DNAJC3: variants seen among roughly 807,000 people sequenced by gnomAD.
DNAJC3 encodes the protein DnaJ heat shock protein family (Hsp40) member C3.
A neutral mutation model predicts 68.6 loss-of-function variants in DNAJC3; 38 were observed. The ratio of observed to expected loss-of-function variants is 0.55; its 90% CI spans 0.43 to 0.73. DNAJC3 has a LOEUF of 0.73. Ranked by LOEUF, DNAJC3 falls within the 30% of genes least tolerant of loss-of-function variation. The probability of loss-of-function intolerance (pLI) is 0.00; values close to 1 mark genes in which losing one functional copy is unlikely to be tolerated. For missense variants in DNAJC3, 526 were observed against 591.9 expected, an observed-to-expected ratio of 0.89 and a Z score of 1.16; for synonymous variants, 203 against 204.0, an observed-to-expected ratio of 1.00 and a Z score of 0.04.
intron 1 of DNAJC3, among the ~76,000 whole-genome samples, chr13:95,681,689 G>A (rs1464874325): frequency 1.3e-5 from 2 of 152,128 alleles, no homozygotes; most frequent in African/African-American, 4.8e-5. Context: ...AATCTCAGTC[G>A]CAAATGCACA....
At chr13:95,688,491 T>A (rs1339578114) in intron 1 of DNAJC3, among the ~76,000 whole-genome samples, 1 of 151,756 alleles carries the variant, frequency 6.6e-6, no homozygotes, top group East Asian at 1.9e-4. Flanking sequence ...TACAGGGGTG[T>A]TGGATTTCAT....
At chr13:95,770,874 CGTA>C (rs1253410735) in intron 9 of DNAJC3, among the ~76,000 whole-genome samples, 2 of 152,068 alleles carry the variant, frequency 1.3e-5, no homozygotes, top group Non-Finnish European at 2.9e-5. Flanking sequence ...ATGCATAAAA[CGTA>C]GTAGTAGGAA....
intron 2 of DNAJC3, among the ~76,000 whole-genome samples, chr13:95,710,279 C>T: frequency 6.6e-6 from 1 of 151,010 alleles, no homozygotes; most frequent in Non-Finnish European, 1.5e-5. Context: ...TGCTCTGTCA[C>T]CCAGGCTGGA....
At chr13:95,694,407 A>T (rs1366234210) in intron 1 of DNAJC3, 1 of 152,646 alleles carries the variant, frequency 6.6e-6, no homozygotes, top group Admixed American at 6.6e-5. Flanking sequence ...TAATAACCCT[A>T]AACCTCCATA....
At chr13:95,677,399 C>A (rs1412649160) in intron 1 of DNAJC3, 62 bp downstream of exon 1, 9 of 1,490,384 alleles carry the variant, frequency 6.0e-6, no homozygotes, top group Admixed American at 2.1e-5. Flanking sequence ...CGCGCTTTCC[C>A]GTCTGCGCCC....
In DNAJC3 at chr13:95,787,044, A is replaced by G; in HGVS notation, c.1246A>G (p.Lys416Glu). 1.2e-6 allele frequency: 2 copies of G among 1,612,046 alleles called. No individual in the cohort carries two copies. Among genetic ancestry groups the G allele is most frequent in the Non-Finnish European group, 1.7e-6 (2 of 1,179,526 alleles). ...KKQEIIKAYR[K>E]LALQWHPDNF... is the part of the protein sequence containing the mutation. ...GCAAGAAATTATTAAAGCATACCGAAAATTAGCACTGCAGTGGCACCCAGA... is the reference window on the plus strand; with the variant it reads ...GCAAGAAATTATTAAAGCATACCGAGAATTAGCACTGCAGTGGCACCCAGA... Residue 416 changes from lysine to glutamate, a missense_variant, in exon 11 of 12, where the codon AAA (lysine) becomes GAA (glutamate). Transcript: ENST00000602402.
At chr13:95,687,631 A>G (rs1021780021) in intron 1 of DNAJC3, among the ~76,000 whole-genome samples, 4 of 152,140 alleles carry the variant, frequency 2.6e-5, no homozygotes, top group African/African-American at 9.7e-5. Flanking sequence ...ACACTACCTA[A>G]AGCAATCCAC....
At chr13:95,753,997 A>G (rs907461223) in intron 4 of DNAJC3, among the ~76,000 whole-genome samples, 13 of 152,190 alleles carry the variant, frequency 8.5e-5, no homozygotes, top group African/African-American at 3.1e-4. Context: ...AAACTTCCAC[A>G]CTGTGTTACT....
chr13:95,720,816 T>G (rs1245009664), intron 2 of DNAJC3, among the ~76,000 whole-genome samples: 3 of 144,792 alleles, frequency 2.1e-5, no homozygotes, highest in Admixed American at 6.7e-5. Context: ...AAAAAGAAGG[T>G]TTTTTTTTGT....
At chr13:95,732,123 T>C (rs555887044) in intron 4 of DNAJC3, among the ~76,000 whole-genome samples, 9 of 152,276 alleles carry the variant, frequency 5.9e-5, no homozygotes, top group Admixed American at 2.0e-4. Flanking sequence ...ATCAAAGACA[T>C]TGGCCTGTAG....
At chr13:95,759,982 CAACAATGA>C in intron 5 of DNAJC3, 50 bp from the exon 6 acceptor site, 1 of 1,454,190 alleles carries the variant, frequency 6.9e-7, no homozygotes, top group Non-Finnish European at 9.2e-7. Flanking sequence ...ACGTGGAATG[CAACAATGA>C]ATGTGCATAA....
intron 4 of DNAJC3, chr13:95,745,191 T>C (rs1286488963): frequency 6.6e-6 from 1 of 152,222 alleles, no homozygotes; most frequent in East Asian, 1.9e-4. Context: ...ATAAAAATTG[T>C]AAATGTTGAT....
intron 9 of DNAJC3, among the ~76,000 whole-genome samples, chr13:95,765,366 C>T (rs955761203): frequency 6.8e-5 from 10 of 146,540 alleles, no homozygotes; most frequent in Admixed American, 2.1e-4. Flanking sequence ...GCTCTCACTG[C>T]GAAATTAGAG....
chr13:95,748,467 A>G (rs1241371486), intron 4 of DNAJC3, among the ~76,000 whole-genome samples: 1 of 152,164 alleles, frequency 6.6e-6, no homozygotes, highest in African/African-American at 2.4e-5. Context: ...TCCATCTTTA[A>G]TTCTTTAATG....
At chr13:95,763,417 C>T (rs1036041881) in intron 7 of DNAJC3, among the ~76,000 whole-genome samples, 2 of 152,156 alleles carry the variant, frequency 1.3e-5, no homozygotes, top group Non-Finnish European at 2.9e-5. Context: ...ATGCTTTGTT[C>T]TGTCCATCTG....
intron 4 of DNAJC3, among the ~76,000 whole-genome samples, chr13:95,756,677 A>C (rs1882674428): frequency 6.6e-6 from 1 of 152,204 alleles, no homozygotes; most frequent in Non-Finnish European, 1.5e-5. Flanking sequence ...TACCTAACCC[A>C]AAATTGGAAC....
At position 95,760,196 on chromosome 13, in the gene DNAJC3, C is replaced by T. The variant is rs1318563244; in HGVS notation, c.703C>T (p.Leu235=). 6.3e-7 allele frequency: 1 copy of T among 1,599,480 alleles called. No homozygotes were observed. Among genetic ancestry groups the T allele is most frequent in the Non-Finnish European group, 8.5e-7 (1 of 1,172,888 alleles). Residue 235 remains leucine (L), a synonymous_variant, in exon 6 of 12, where the codon CTA becomes TTA. Coordinates refer to ENST00000602402, the MANE Select transcript of DNAJC3 (RefSeq NM_006260.5). ...FYKISTLYYQ[L]GDHELSLSEV... ...TAAAATAAGCACACTGTACTACCAACTAGGAGACCACGAACTGTCCCTCAG... is the reference window on the plus strand; with the variant it reads ...TAAAATAAGCACACTGTACTACCAATTAGGAGACCACGAACTGTCCCTCAG...
In DNAJC3 at chr13:95,724,975, A is replaced by G. The variant is rs200039593; in HGVS notation, c.319-203A>G. Among the ~76,000 whole-genome samples, 32 of 152,352 alleles carry G rather than the reference A, an allele frequency of 2.1e-4. No homozygotes were observed. The East Asian group carries it at 6.0e-3, about 28-fold the overall frequency. ...GTTTTCAGTTTTCTTGGGTAGAACA[A>G]AAAGTATTTTTAAGGAAGCATACTT... On this transcript the variant is annotated intron_variant, in intron 3 of 11. Coordinates refer to ENST00000602402, the MANE Select transcript of DNAJC3 (RefSeq NM_006260.5).
chr13:95,760,550 A>G lies in DNAJC3; in HGVS notation c.729-129A>G, dbSNP rs151251040. ...TGCCACGTATAAATGTATATAGTAA[A>G]TTATAAGTCTCAGTATGGTTTTTGT... On this transcript the variant is annotated intron_variant, in intron 6 of 11. Transcript: ENST00000602402. 2.5e-4 allele frequency: 296 copies of G among 1,206,588 alleles called. 4 individuals are homozygous for G. In the East Asian group the frequency reaches 6.1e-3, roughly 25 times the overall value. The allele number at this position is 1,206,588 out of a possible 1,614,324, so 74.7% of individuals were successfully genotyped here.
Sources: gnomAD v4.1 joint callset for allele counts (sites outside exome capture counted in the v4.1 genomes callset) on GRCh38, gnomAD v4.1.1 for gene constraint, MANE v1.5 for transcripts, NCBI Gene and HGNC (gene_info 2026-07-23, HGNC 2026-07-21) for gene names.